MYPN: variants seen among roughly 807,000 people sequenced by gnomAD.
The protein encoded by MYPN is myopalladin.
In MYPN, 63 loss-of-function variants were observed where a neutral mutation model predicts 129.4. That is an observed-to-expected ratio of 0.49 (90% confidence interval 0.40 to 0.60). MYPN has a LOEUF of 0.60. Ranked by LOEUF, MYPN falls within the 20% of genes least tolerant of loss-of-function variation. The probability of loss-of-function intolerance (pLI) is 0.00; values close to 1 mark genes in which losing one functional copy is unlikely to be tolerated. For missense variants in MYPN, 1,596 were observed against 1,635.4 expected (o/e 0.98, Z 0.42); for synonymous variants, 629 against 600.9 (o/e 1.05, Z -0.68).
intron 15 of MYPN, among the ~76,000 whole-genome samples, chr10:68,196,963 G>T (rs1418733950): frequency 6.6e-6 from 1 of 152,140 alleles, no homozygotes. Context: ...GCCTTACTCT[G>T]GGTAATAAAC....
intron 19 of MYPN, among the ~76,000 whole-genome samples, chr10:68,207,496 A>G (rs188558280): frequency 1.6e-3 from 248 of 152,228 alleles, no homozygotes; most frequent in Non-Finnish European, 2.2e-3. Flanking sequence ...CTGAACAGCC[A>G]ATGTTTTCTT....
intron 10 of MYPN, among the ~76,000 whole-genome samples, chr10:68,168,789 G>C (rs1465842670): frequency 6.6e-6 from 1 of 151,922 alleles, no homozygotes. Flanking sequence ...TGCCATGCCA[G>C]AGTCGGGATG....
intron 6 of MYPN, among the ~76,000 whole-genome samples, chr10:68,155,269 C>T (rs532735967): frequency 5.0e-4 from 76 of 152,280 alleles, no homozygotes; most frequent in Non-Finnish European, 8.1e-4. Flanking sequence ...TACTTTGTGA[C>T]TTCAGAGTAT....
At chr10:68,165,936 G>A in intron 9 of MYPN, 118 bp downstream of exon 9, 1 of 950,942 alleles carries the variant, frequency 1.1e-6, no homozygotes, top group South Asian at 1.3e-5. Flanking sequence ...CTTCTAAAAA[G>A]ATTTGAATTA....
chr10:68,208,092 A>AAATG (rs1369360953), intron 19 of MYPN, among the ~76,000 whole-genome samples: 1 of 152,324 alleles, frequency 6.6e-6, no homozygotes, highest in East Asian at 1.9e-4. Context: ...TGTGTGCTCA[A>AAATG]TCCTACACTT....
intron 12 of MYPN, among the ~76,000 whole-genome samples, chr10:68,184,492 G>C (rs568707928): frequency 1.3e-5 from 2 of 152,188 alleles, no homozygotes; most frequent in Non-Finnish European, 2.9e-5. Flanking sequence ...GCAATGGCAC[G>C]ATCTTGACTC....
chr10:68,096,482 A>C (rs2041957117), intron 1 of MYPN, among the ~76,000 whole-genome samples: 1 of 152,208 alleles, frequency 6.6e-6, no homozygotes, highest in African/African-American at 2.4e-5. Flanking sequence ...GAATCACTTG[A>C]ACCTGGGAGG....
intron 10 of MYPN, among the ~76,000 whole-genome samples, chr10:68,168,922 A>G (rs7914243): frequency 0.43 from 63,431 of 146,900 alleles, 14,617 homozygotes; most frequent in Non-Finnish European, 0.52. Context: ...GAACCCAGGC[A>G]CAGAGGTTGC....
rs747434922 is a variant in MYPN at position 68,174,023 on chromosome 10, T to C, written c.1974-43T>C. 5.4e-5 allele frequency: 78 copies of C among 1,452,098 alleles called. No individual in the cohort carries two copies. The Middle Eastern group carries it at 1.0e-3, about 19-fold the overall frequency. 90.0% of individuals were successfully genotyped at this position (1,452,098 alleles called of 1,614,324 possible). A position where few individuals can be genotyped will look rare whatever the true frequency, so the allele number is the denominator to read the frequency against. On this transcript the variant is annotated intron_variant, in intron 10 of 19. Transcript: ENST00000358913. ...ATTGTTTGAAAGGTGAGGCCAATAA[T>C]AACACATTTCCTTCTCTCTCTCCAC... is the stretch of plus-strand genomic sequence containing the variant.
At position 68,148,484 on chromosome 10, in the gene MYPN, G is replaced by T; in HGVS notation, c.1245+17G>T. The T allele has an allele frequency of 1.3e-6, 2 of 1,591,674 alleles. No homozygotes were observed. The highest frequency in any genetic ancestry group is 2.2e-5 in the South Asian group (2 of 90,596). The stretch of plus-strand genomic sequence containing the variant: ...ATCCAGCAGGTACAAGAATCCAAGC[G>T]AAACACAAGTGCCATCCACTGTGAC... On this transcript the variant is annotated intron_variant, in intron 5 of 19. Transcript: ENST00000358913.
At chr10:68,190,964 T>C (rs1018491837) in intron 13 of MYPN, among the ~76,000 whole-genome samples, 1 of 152,196 alleles carries the variant, frequency 6.6e-6, no homozygotes, top group Admixed American at 6.5e-5. Context: ...CAATGTATGT[T>C]CTTGGCGCCT....
chr10:68,154,834 G>A (rs758218684), intron 6 of MYPN, among the ~76,000 whole-genome samples: 1 of 152,192 alleles, frequency 6.6e-6, no homozygotes, highest in Non-Finnish European at 1.5e-5. Context: ...GTTTATAGCA[G>A]TGGGCATGGT....
intron 1 of MYPN, among the ~76,000 whole-genome samples, chr10:68,091,719 G>A (rs10997930): frequency 0.094 from 13,911 of 148,708 alleles, 1,057 homozygotes; most frequent in East Asian, 0.41. Context: ...AAATTTGCTC[G>A]TTTTTTTTTT....
At chr10:68,207,094 C>T (rs188984132) in intron 19 of MYPN, among the ~76,000 whole-genome samples, 191 bp downstream of exon 19, 4 of 152,112 alleles carry the variant, frequency 2.6e-5, no homozygotes, top group African/African-American at 9.6e-5. Context: ...TCCACCTCTA[C>T]TAAAAATACA....
intron 3 of MYPN, among the ~76,000 whole-genome samples, chr10:68,143,415 G>A (rs1179059665): frequency 6.6e-6 from 1 of 152,188 alleles, no homozygotes; most frequent in East Asian, 1.9e-4. Flanking sequence ...TATGAGTGTA[G>A]GGGGCGGAGG....
chr10:68,107,118 T>C (rs1339070017), upstream of MYPN, among the ~76,000 whole-genome samples: 3 of 152,212 alleles, frequency 2.0e-5, no homozygotes, highest in Non-Finnish European at 4.4e-5. Flanking sequence ...GCTGGGTTAT[T>C]TGGAAGCAGA....
At chr10:68,106,397 T>A, upstream of MYPN, 1 of 386,480 alleles carries the variant, frequency 2.6e-6, no homozygotes, top group South Asian at 2.2e-5. Context: ...ATTGTTGTCA[T>A]GCCTTTTATA....
intron 2 of MYPN, among the ~76,000 whole-genome samples, chr10:68,127,911 T>C (rs1253420515): frequency 6.6e-6 from 1 of 152,234 alleles, no homozygotes; most frequent in Non-Finnish European, 1.5e-5. Context: ...ATAAGCATAC[T>C]GGGCAACTGA....
upstream of MYPN, among the ~76,000 whole-genome samples, chr10:68,107,484 G>T (rs1426218357): frequency 6.6e-6 from 1 of 151,144 alleles, no homozygotes; most frequent in Non-Finnish European, 1.5e-5. Flanking sequence ...GGGACTACAG[G>T]CATGCACCTC....
Sources: allele counts gnomAD v4.1 joint callset (sites outside exome capture counted in the v4.1 genomes callset), GRCh38; gene constraint gnomAD v4.1.1; transcripts MANE v1.5; gene names NCBI Gene and HGNC (gene_info 2026-07-23, HGNC 2026-07-21).